TOM1L2: variants seen among roughly 807,000 people sequenced by gnomAD.
TOM1L2 encodes TOM1-like protein 2.
A neutral mutation model predicts 67.9 loss-of-function variants in TOM1L2; 31 were observed. The observed-to-expected ratio is 0.46, with a 90% CI of 0.34 to 0.62. The LOEUF is 0.62. Among genes scored for constraint, TOM1L2 ranks in the 20% least tolerant of loss-of-function variants. The pLI is 0.01. For synonymous variants in TOM1L2, 256 were observed against 254.0 expected (o/e 1.01, Z -0.07); for missense variants, 606 against 663.5 (o/e 0.91, Z 0.95).
At chr17:17,932,885 C>T (rs1025783173) in intron 1 of TOM1L2, among the ~76,000 whole-genome samples, 2 of 152,124 alleles carry the variant, frequency 1.3e-5, no homozygotes, top group Admixed American at 6.5e-5. Flanking sequence ...TGATGTGGGG[C>T]CCAGAAATCT....
intron 1 of TOM1L2, among the ~76,000 whole-genome samples, chr17:17,913,477 A>G (rs1378952138): frequency 2.0e-5 from 3 of 151,998 alleles, no homozygotes; most frequent in Non-Finnish European, 2.9e-5. Context: ...GTGCTTCCTG[A>G]ATGAATGCTG....
intron 1 of TOM1L2, among the ~76,000 whole-genome samples, chr17:17,943,338 G>T (rs2040812228): frequency 6.6e-6 from 1 of 152,118 alleles, no homozygotes; most frequent in Admixed American, 6.5e-5. Flanking sequence ...TAGAGCTAGG[G>T]AGTTAGGAAG....
chr17:17,918,905 T>C (rs2039740389), intron 1 of TOM1L2, among the ~76,000 whole-genome samples: 1 of 152,230 alleles, frequency 6.6e-6, no homozygotes, highest in South Asian at 2.1e-4. Context: ...TTTATGCTGA[T>C]GAGGGCCCTT....
At chr17:17,919,906 G>A (rs758609449) in intron 1 of TOM1L2, among the ~76,000 whole-genome samples, 159 of 152,292 alleles carry the variant, frequency 1.0e-3, no homozygotes, top group Admixed American at 2.6e-3. Flanking sequence ...GGAAGAAAAT[G>A]AAGCCTGGTG....
chr17:17,898,362 C>T (rs952213489), intron 3 of TOM1L2, among the ~76,000 whole-genome samples: 14 of 152,220 alleles, frequency 9.2e-5, no homozygotes, highest in African/African-American at 3.4e-4. Flanking sequence ...GCACTGCACA[C>T]ACCTTATCTT....
At chr17:17,970,686 G>A (rs894664455) in intron 1 of TOM1L2, among the ~76,000 whole-genome samples, 2 of 152,104 alleles carry the variant, frequency 1.3e-5, no homozygotes, top group Admixed American at 1.3e-4. Flanking sequence ...AAGATACTAC[G>A]CCAGAAAGTA....
intron 2 of TOM1L2, among the ~76,000 whole-genome samples, chr17:17,904,689 C>T (rs1162427303): frequency 6.6e-6 from 1 of 152,172 alleles, no homozygotes; most frequent in Non-Finnish European, 1.5e-5. Flanking sequence ...CCAGAGAATG[C>T]AGCACCTGAC....
At chr17:17,921,367 G>A (rs2039861283) in intron 1 of TOM1L2, among the ~76,000 whole-genome samples, 1 of 152,246 alleles carries the variant, frequency 6.6e-6, no homozygotes, top group South Asian at 2.1e-4. Flanking sequence ...GAATTCCCTT[G>A]AGGAGGATCC....
chr17:17,922,428 C>G (rs1208809105), intron 1 of TOM1L2, among the ~76,000 whole-genome samples: 1 of 152,152 alleles, frequency 6.6e-6, no homozygotes, highest in Non-Finnish European at 1.5e-5. Context: ...ATATTTATGT[C>G]TGAGACAGAT....
rs145438922 is a variant in TOM1L2 at position 17,869,345 on chromosome 17, G to C, written c.906C>G (p.Tyr302Ter). 4.3e-6 allele frequency: 7 copies of C among 1,609,274 alleles called. No homozygotes were observed. Among genetic ancestry groups the C allele is most frequent in the Admixed American group, 1.7e-5 (1 of 59,854 alleles). The stretch of plus-strand genomic sequence containing the variant: ...AAAAGAAATCCGGCTCCCACCTCTC[G>C]TATCGAAGGAAGACGTTGTTGAGGT... ...NDDLNNVFLR[Y>*]ERFERYRSGR... The change falls in exon 8 of 15, where the codon TAC becomes TAG. Residue 302 changes from tyrosine to a stop codon, truncating the protein, a stop_gained. Transcript: ENST00000379504. LOFTEE classifies it high-confidence loss of function.
At chr17:17,894,930 CAA>C (rs2038477848) in intron 3 of TOM1L2, among the ~76,000 whole-genome samples, 1 of 143,432 alleles carries the variant, frequency 7.0e-6, no homozygotes, top group Admixed American at 7.0e-5. Context: ...AACTCTGTCT[CAA>C]AAACATACAT....
chr17:17,956,134 C>CTG (rs1171427108), intron 1 of TOM1L2, among the ~76,000 whole-genome samples: 2 of 152,228 alleles, frequency 1.3e-5, no homozygotes, highest in African/African-American at 4.8e-5. Context: ...GTTACCACTA[C>CTG]TGCCTCTGGC....
chr17:17,871,671 C>T (rs777040845), intron 7 of TOM1L2, among the ~76,000 whole-genome samples: 5 of 151,918 alleles, frequency 3.3e-5, no homozygotes, highest in Non-Finnish European at 5.9e-5. Context: ...ACCCTGTCTC[C>T]AAAAAATAAA....
intron 12 of TOM1L2, 200 bp from the exon 13 acceptor site, chr17:17,851,152 G>A: frequency 5.1e-6 from 3 of 590,756 alleles, no homozygotes; most frequent in Non-Finnish European, 9.1e-6. Context: ...AAAGCAATGA[G>A]GTGCAAATGA....
intron 1 of TOM1L2, among the ~76,000 whole-genome samples, chr17:17,954,324 T>C (rs1206707923): frequency 6.6e-6 from 1 of 151,454 alleles, no homozygotes; most frequent in Non-Finnish European, 1.5e-5. Flanking sequence ...TTTTTTTTTT[T>C]TTTTTGTGAT....
intron 1 of TOM1L2, among the ~76,000 whole-genome samples, chr17:17,913,041 G>A (rs1475281656): frequency 6.6e-6 from 1 of 152,132 alleles, no homozygotes; most frequent in African/African-American, 2.4e-5. Flanking sequence ...ACGAAAACCA[G>A]TCAGGCGTGG....
intron 1 of TOM1L2, among the ~76,000 whole-genome samples, chr17:17,934,378 C>G (rs1406532938): frequency 6.6e-6 from 1 of 152,078 alleles, no homozygotes; most frequent in Non-Finnish European, 1.5e-5. Flanking sequence ...GCCCGGGGAT[C>G]AAGGCTGCAG....
At chr17:17,912,220 A>C (rs2039394842) in intron 1 of TOM1L2, among the ~76,000 whole-genome samples, 1 of 149,772 alleles carries the variant, frequency 6.7e-6, no homozygotes, top group Admixed American at 6.6e-5. Flanking sequence ...CTCACTTCCC[A>C]GTAGGGGCGG....
chr17:17,911,629 T>C (rs2039352775), intron 1 of TOM1L2, among the ~76,000 whole-genome samples: 1 of 152,184 alleles, frequency 6.6e-6, no homozygotes, highest in African/African-American at 2.4e-5. Flanking sequence ...ACTTTGCTCT[T>C]GATTAGCTGG....
Sources: allele counts gnomAD v4.1 joint callset (sites outside exome capture counted in the v4.1 genomes callset), GRCh38; gene constraint gnomAD v4.1.1; transcripts MANE v1.5; gene names NCBI Gene and HGNC (gene_info 2026-07-23, HGNC 2026-07-21).